The following GSDME variants were observed in gnomAD, a reference collection of about 807,000 sequenced individuals.
GSDME encodes gasdermin-E.
GSDME carries 44 observed loss-of-function variants against 47.5 expected under a neutral mutation model. That is an observed-to-expected ratio of 0.93 (90% CI 0.73 to 1.19). GSDME has a LOEUF of 1.19. Among genes scored for constraint, GSDME ranks in the 50% most tolerant of loss-of-function variants. The probability of loss-of-function intolerance (pLI) is 0.00; values close to 1 mark genes in which losing one functional copy is unlikely to be tolerated. For missense variants in GSDME, 663 were observed against 604.2 expected, an observed-to-expected ratio of 1.10 and a Z score of -1.02; for synonymous variants, 258 against 252.8, an observed-to-expected ratio of 1.02 and a Z score of -0.20.
intron 3 of GSDME, among the ~76,000 whole-genome samples, chr7:24,722,811 C>T (rs1029630196): frequency 2.6e-5 from 4 of 152,238 alleles, no homozygotes; most frequent in Admixed American, 1.3e-4. Context: ...CAGCCATCTA[C>T]GCAGGTGGGC....
the GSDME span, among the ~76,000 whole-genome samples, chr7:24,765,513 T>C: frequency 3.3e-5 from 5 of 152,200 alleles, no homozygotes; most frequent in African/African-American, 1.2e-4. Context: ...CTCAACCCAA[T>C]GTTGAAATAA....
the GSDME span, among the ~76,000 whole-genome samples, chr7:24,790,881 G>T: frequency 0.044 from 6,714 of 152,220 alleles, 200 homozygotes; most frequent in Non-Finnish European, 0.064. This position sits in a 1 kb window ranked among gnomAD's most constrained non-coding sequence, Gnocchi z 4.1. Flanking sequence ...TTAGTGACCT[G>T]ATGTATACAC....
intron 2 of GSDME, among the ~76,000 whole-genome samples, chr7:24,749,226 G>A (rs975807793): frequency 5.9e-5 from 9 of 152,170 alleles, no homozygotes; most frequent in Non-Finnish European, 1.3e-4. Context: ...CATCGACCAG[G>A]CATGGTGGCT....
chr7:24,784,890 T>A, the GSDME span, among the ~76,000 whole-genome samples: 2 of 152,092 alleles, frequency 1.3e-5, no homozygotes, highest in Non-Finnish European at 2.9e-5. Context: ...GGCAGCTGAT[T>A]GGATGGTGCC....
chr7:24,717,102 C>A (rs1789587614), intron 5 of GSDME, 152 bp downstream of exon 5: 5 of 843,606 alleles, frequency 5.9e-6, no homozygotes, highest in Non-Finnish European at 9.5e-6. Flanking sequence ...TGTCCAGGGA[C>A]CATGTCTTGG....
intron 1 of GSDME, among the ~76,000 whole-genome samples, chr7:24,751,970 T>C (rs1790873738): frequency 6.6e-6 from 1 of 152,162 alleles, no homozygotes; most frequent in Admixed American, 6.5e-5. Flanking sequence ...CATCTAAATC[T>C]CATTGGAGAG....
chr7:24,747,501 A>G (rs1258357920), intron 2 of GSDME, among the ~76,000 whole-genome samples: 2 of 152,222 alleles, frequency 1.3e-5, no homozygotes, highest in African/African-American at 2.4e-5. Flanking sequence ...ATATTTTCAT[A>G]TATCACCACA....
At chr7:24,729,120 G>A (rs1057375418) in intron 3 of GSDME, among the ~76,000 whole-genome samples, 1 of 152,180 alleles carries the variant, frequency 6.6e-6, no homozygotes, top group Non-Finnish European at 1.5e-5. Flanking sequence ...CCCTTTAGAC[G>A]AGTAATTAAT....
intron 2 of GSDME, among the ~76,000 whole-genome samples, chr7:24,747,020 G>A (rs79967470): frequency 0.011 from 1,638 of 152,280 alleles, 25 homozygotes; most frequent in African/African-American, 0.037. Flanking sequence ...GAGCATGCTC[G>A]GGGATTCTTC....
In GSDME at chr7:24,744,259, A is replaced by T. The variant is rs1260925724; in HGVS notation, c.404+303T>A. The T allele has an allele frequency of 1.5e-5, 6 of 405,482 alleles. No individual in the cohort carries two copies. Among genetic ancestry groups the T allele is most frequent in the African/African-American group, 1.2e-4 (6 of 49,180 alleles). The allele number at this position is 405,482 out of a possible 1,614,324, so 25.1% of individuals were successfully genotyped here. On this transcript the variant is annotated intron_variant, in intron 3 of 9. Coordinates refer to ENST00000645220, the MANE Select transcript of GSDME (RefSeq NM_001127453.2). This position sits in a 1 kb window ranked among gnomAD's most constrained non-coding sequence, Gnocchi z 4.5. The stretch of plus-strand genomic sequence containing the variant: ...TGGCTTCTAAAGTTAATATTCAAAA[A>T]TGCAGGACAGAGCATTTTTACCGTT...
chr7:24,740,569 C>G (rs891400895), intron 3 of GSDME, among the ~76,000 whole-genome samples: 1 of 151,632 alleles, frequency 6.6e-6, no homozygotes, highest in Admixed American at 6.6e-5. Context: ...ACATTGTATG[C>G]CTGTATCAAA....
In GSDME at chr7:24,733,309, G is replaced by C. The variant is rs1790202902; in HGVS notation, c.404+11253C>G. On this transcript the variant is annotated intron_variant, in intron 3 of 9. Coordinates refer to ENST00000645220, the MANE Select transcript of GSDME (RefSeq NM_001127453.2). The surrounding 1 kb of genome is among the most constrained non-coding windows in gnomAD (Gnocchi z 4.3). Reference sequence around the variant, plus strand: ...TGCCATGAGCCTTGGGTGAGACTCTGAGACATGCTGACCCAGCTGTGGTCA... The same window carrying C: ...TGCCATGAGCCTTGGGTGAGACTCTCAGACATGCTGACCCAGCTGTGGTCA... 6.6e-6 allele frequency among the ~76,000 whole-genome samples: 1 copy of C among 152,078 alleles called. No homozygotes were observed. Among genetic ancestry groups the C allele is most frequent in the Admixed American group, 6.5e-5 (1 of 15,280 alleles).
chr7:24,749,819 T>C, intron 1 of GSDME, 26 bp from the exon 2 acceptor site: 2 of 1,503,866 alleles, frequency 1.3e-6, no homozygotes, highest in African/African-American at 1.4e-5. Context: ...TATCCTAAAA[T>C]CAAATAAGAA....
intron 4 of GSDME, 129 bp from the exon 5 acceptor site, chr7:24,717,503 A>G: frequency 7.0e-7 from 1 of 1,428,194 alleles, no homozygotes. Context: ...CGAGTGGAAC[A>G]GAGGAGCCAG....
chr7:24,700,978 G>A (rs1354830831), intron 9 of GSDME, among the ~76,000 whole-genome samples: 2 of 152,206 alleles, frequency 1.3e-5, no homozygotes, highest in Non-Finnish European at 2.9e-5. Context: ...GGGTGGTGGA[G>A]TGAAGTTAAC....
In GSDME at chr7:24,745,040, A is replaced by G. The variant is rs953088668; in HGVS notation, c.212-286T>C. ...GTGTGTGTGTGTGTGTGTGTGGACC[A>G]CGGGCACACAGTGGACCAGTGACCA... is the stretch of plus-strand genomic sequence containing the variant. On this transcript the variant is annotated intron_variant, in intron 2 of 9. Transcript: ENST00000645220. The surrounding 1 kb of genome is among the most constrained non-coding windows in gnomAD (Gnocchi z 4.4). Among the ~76,000 whole-genome samples, 33 of 146,058 alleles carry G rather than the reference A, an allele frequency of 2.3e-4. 1 individual carries two copies. Among genetic ancestry groups the G allele is most frequent in the Admixed American group, 6.9e-4 (10 of 14,554 alleles).
At chr7:24,704,175 C>G (rs1429586339) in intron 8 of GSDME, 1 of 152,222 alleles carries the variant, frequency 6.6e-6, no homozygotes, top group Non-Finnish European at 1.5e-5. Flanking sequence ...CTAGCACTGC[C>G]TAAAACATAG....
the GSDME span, among the ~76,000 whole-genome samples, chr7:24,789,016 C>T: frequency 6.6e-6 from 1 of 152,080 alleles, no homozygotes; most frequent in Non-Finnish European, 1.5e-5. Flanking sequence ...TCGTGAATTG[C>T]TTTTGGATGT....
chr7:24,775,228 A>G, the GSDME span, among the ~76,000 whole-genome samples: 1 of 152,202 alleles, frequency 6.6e-6, no homozygotes, highest in East Asian at 1.9e-4. Context: ...AAGTCTAGGA[A>G]AGCAAAGACC....
Sources: allele counts gnomAD v4.1 joint callset (sites outside exome capture counted in the v4.1 genomes callset), GRCh38; gene constraint gnomAD v4.1.1; non-coding constraint Gnocchi (gnomAD v3.1); transcripts MANE v1.5; gene names NCBI Gene and HGNC (gene_info 2026-07-23, HGNC 2026-07-21).